The following MYH15 variants were observed in gnomAD, a reference collection of about 807,000 sequenced individuals.
MYH15 encodes myosin heavy chain 15, also known as myosin-15.
A neutral mutation model predicts 240.5 loss-of-function variants in MYH15; 227 were observed. The ratio of observed to expected loss-of-function variants is 0.94; its 90% CI spans 0.85 to 1.05. MYH15 has a LOEUF of 1.05. Ranked by LOEUF, MYH15 falls within the 50% of genes least tolerant of loss-of-function variation. The probability of loss-of-function intolerance (pLI) is 0.00; values close to 1 mark genes in which losing one functional copy is unlikely to be tolerated. For missense variants in MYH15, 2,217 were observed against 2,247.5 expected, an observed-to-expected ratio of 0.99 and a Z score of 0.27; for synonymous variants, 785 against 796.7, an observed-to-expected ratio of 0.99 and a Z score of 0.25.
chr3:108,429,767 A>C (rs1025026049), intron 26 of MYH15, among the ~76,000 whole-genome samples: 6 of 152,196 alleles, frequency 3.9e-5, no homozygotes, highest in African/African-American at 1.4e-4. Flanking sequence ...AGATTATATC[A>C]AATAAGTAGT....
chr3:108,470,916 T>C, intron 12 of MYH15, 69 bp from the exon 13 acceptor site: 1 of 1,508,518 alleles, frequency 6.6e-7, no homozygotes, highest in Non-Finnish European at 9.1e-7. Flanking sequence ...GCATTCTCTA[T>C]CAGCAACTGC....
chr3:108,401,557 AATCTGTCAGACACTT>A, intron 33 of MYH15, among the ~76,000 whole-genome samples: 1 of 152,336 alleles, frequency 6.6e-6, no homozygotes, highest in Admixed American at 6.5e-5. Context: ...ACATCACCAA[AATCTGTCAGACACTT>A]ATCTGTCCTA....
intron 22 of MYH15, 106 bp downstream of exon 22, chr3:108,444,534 G>T: frequency 7.7e-7 from 1 of 1,305,548 alleles, no homozygotes. Context: ...TTTGGTATTT[G>T]AAAACCACAT....
In MYH15 at chr3:108,408,358, G is replaced by T; in HGVS notation, c.4542C>A (p.Asn1514Lys). 6.2e-7 allele frequency: 1 copy of T among 1,613,368 alleles called. No individual in the cohort carries two copies. The change falls in exon 32 of 41, where the codon AAC becomes AAA. Residue 1514 changes from asparagine to lysine, a missense_variant. Coordinates refer to ENST00000693548, the MANE Select transcript of MYH15 (RefSeq NM_014981.3). ...LTNQVREGTK[N>K]LTEMEKVKKL... ...TCTTGACCTTTTCCATTTCAGTTAA[G>T]TTCTTGGTCCCTTCTCTAACCTGGT...
chr3:108,478,746 G>A (rs1025680656), intron 11 of MYH15, among the ~76,000 whole-genome samples: 1 of 151,916 alleles, frequency 6.6e-6, no homozygotes, highest in African/African-American at 2.4e-5. Flanking sequence ...GATAATACAG[G>A]TAATAATAGT....
At chr3:108,403,730 C>G (rs1263270961) in intron 33 of MYH15, among the ~76,000 whole-genome samples, 1 of 152,074 alleles carries the variant, frequency 6.6e-6, no homozygotes, top group Non-Finnish European at 1.5e-5. Context: ...GAATAGCTCA[C>G]CCCCCTGCCT....
At chr3:108,400,823 A>C (rs2082498592) in intron 33 of MYH15, among the ~76,000 whole-genome samples, 1 of 150,908 alleles carries the variant, frequency 6.6e-6, no homozygotes, top group South Asian at 2.1e-4. Context: ...AAAAGAAAAA[A>C]AGAAGGCATA....
intron 21 of MYH15, among the ~76,000 whole-genome samples, chr3:108,449,981 A>T (rs565037205): frequency 1.8e-4 from 27 of 152,154 alleles, no homozygotes; most frequent in Non-Finnish European, 3.4e-4. Flanking sequence ...ATCACTAATT[A>T]TCAGGGAAAT....
chr3:108,398,952 CT>C, intron 34 of MYH15, 112 bp from the exon 35 acceptor site: 1 of 1,451,328 alleles, frequency 6.9e-7, no homozygotes. Context: ...TGCTCCTTCT[CT>C]CTGGAAAGAT....
At position 108,498,096 on chromosome 3, in the gene MYH15, A is replaced by G. The variant is rs374454873; in HGVS notation, c.574T>C (p.Tyr192His). 2 of 1,614,000 alleles carry G rather than the reference A, an allele frequency of 1.2e-6. No homozygotes were observed. The highest frequency in any genetic ancestry group is 1.3e-5 in the African/African-American group (1 of 74,920). Reference protein sequence around the residue: ...KTVNSKHIIQYFATIAAMIES... With the variant: ...KTVNSKHIIQHFATIAAMIES... ...ATCATGGCTGCTATGGTGGCAAAAT[A>G]CTGGATAATATGTTTGCTGTTCACA... Residue 192 changes from tyrosine to histidine, a missense_variant, in exon 6 of 41, where the codon TAT becomes CAT. Physicochemically the swap from Tyr to His is moderately conservative, Grantham distance 83 (BLOSUM62 2). Transcript: ENST00000693548.
rs894085846 is a variant in MYH15, at chr3:108,437,678, C to A, written c.3097G>T (p.Glu1033Ter). 6.2e-7 allele frequency: 1 copy of A among 1,613,538 alleles called. No homozygotes were observed. The highest frequency in any genetic ancestry group is 1.7e-4 in the Middle Eastern group (1 of 6,056). The stretch of plus-strand genomic sequence containing the variant: ...TCACAGTTCATTCTCGCTTTTCTCT[C>A]CTGCTCAAGGGCACCCTCAAGCTGA... ...VDELEGALEQ[E>*]RKARMNCERE... is the part of the protein sequence containing the mutation. Residue 1033 changes from glutamate to a stop codon, truncating the protein, a stop_gained, in exon 25 of 41, where the codon GAG (glutamate) becomes TAG (stop). Transcript: ENST00000693548. LOFTEE classifies it high-confidence loss of function.
At chr3:108,410,493 T>C in intron 31 of MYH15, 90 bp downstream of exon 31, 1 of 861,502 alleles carries the variant, frequency 1.2e-6, no homozygotes, top group Non-Finnish European at 1.7e-6. Flanking sequence ...ATGTTGGGAA[T>C]GTGAAAATGC....
In MYH15 at chr3:108,492,240, G is replaced by A. The variant is rs1243456902; in HGVS notation, c.871+260C>T. ...CACACACACACACTCACTCACCTCT[G>A]CTGGGCATCCTACCCATTTCCAAAT... On this transcript the variant is annotated intron_variant, in intron 9 of 40. Coordinates refer to ENST00000693548, the MANE Select transcript of MYH15 (RefSeq NM_014981.3). 6.9e-4 allele frequency among the ~76,000 whole-genome samples: 75 copies of A among 109,286 alleles called. 1 individual carries two copies. The highest frequency in any genetic ancestry group is 2.0e-3 in the South Asian group (7 of 3,554). The allele number at this position is 109,286 out of a possible 152,430, so 71.7% of individuals were successfully genotyped here.
intron 21 of MYH15, among the ~76,000 whole-genome samples, chr3:108,445,625 A>G (rs1344636978): frequency 6.6e-6 from 1 of 152,176 alleles, no homozygotes; most frequent in Non-Finnish European, 1.5e-5. Flanking sequence ...CTCCTACATA[A>G]GGCCCCCTGA....
At chr3:108,542,881 CTTTTTTT>C in the MYH15 span, among the ~76,000 whole-genome samples, 2 of 133,208 alleles carry the variant, frequency 1.5e-5, no homozygotes, top group African/African-American at 5.7e-5. Flanking sequence ...GATCTCGTTC[CTTTTTTT>C]TTTTTTTTTT....
chr3:108,499,425 C>T, intron 5 of MYH15, 30 bp downstream of exon 5: 4 of 1,609,608 alleles, frequency 2.5e-6, no homozygotes, highest in Admixed American at 1.7e-5. Context: ...TTACTTCAGG[C>T]CAAAAAAGAA....
chr3:108,517,356 G>A (rs2083581798), intron 1 of MYH15, among the ~76,000 whole-genome samples: 1 of 152,014 alleles, frequency 6.6e-6, no homozygotes, highest in African/African-American at 2.4e-5. Context: ...TTTTGAGACG[G>A]AATTTTGCTC....
At chr3:108,419,569 A>G (rs9851242) in intron 28 of MYH15, among the ~76,000 whole-genome samples, 31,814 of 152,198 alleles carry the variant, frequency 0.21, 4,263 homozygotes, top group Non-Finnish European at 0.3. Context: ...TGTGGAGTCT[A>G]CATACCAACT....
chr3:108,401,290 T>C (rs566681374), intron 33 of MYH15, among the ~76,000 whole-genome samples: 2 of 152,254 alleles, frequency 1.3e-5, no homozygotes, highest in South Asian at 4.2e-4. Flanking sequence ...CCAATGGGAC[T>C]AGTTAGCATC....
Sources: allele counts gnomAD v4.1 joint callset (sites outside exome capture counted in the v4.1 genomes callset), GRCh38; gene constraint gnomAD v4.1.1; transcripts MANE v1.5; gene names NCBI Gene and HGNC (gene_info 2026-07-23, HGNC 2026-07-21).